ZFAND3: variants seen among roughly 807,000 people sequenced by gnomAD.
The protein encoded by ZFAND3 is zinc finger AN1-type containing 3, also known as AN1-type zinc finger protein 3.
ZFAND3 carries 10 observed loss-of-function variants against 29.6 expected under a neutral mutation model. The observed-to-expected ratio is 0.34, with a 90% CI of 0.21 to 0.57. The LOEUF is 0.57. Ranked by LOEUF, ZFAND3 falls within the 20% of genes least tolerant of loss-of-function variation. ZFAND3 has a pLI of 0.86. For synonymous variants in ZFAND3, 128 were observed against 112.6 expected (o/e 1.14, Z -0.87); for missense variants, 230 against 304.5 (o/e 0.76, Z 1.82).
rs1431478344 is a variant in ZFAND3 at position 37,881,376 on chromosome 6, G to A, written c.72-48583G>A. On this transcript the variant is annotated intron_variant, in intron 1 of 5. Transcript: ENST00000287218. Reference sequence around the variant, plus strand: ...GTTGGGATTACAGGCGTGAGCCACTGTGCCCAGCCTATGATAGTCTTTAAA... The same window carrying A: ...GTTGGGATTACAGGCGTGAGCCACTATGCCCAGCCTATGATAGTCTTTAAA... Among the ~76,000 whole-genome samples the A allele has an allele frequency of 3.3e-5, 5 of 152,320 alleles. No homozygotes were observed. The East Asian group carries it at 5.8e-4, about 18-fold the overall frequency.
At chr6:37,866,411 T>C (rs1764591710) in intron 1 of ZFAND3, among the ~76,000 whole-genome samples, 1 of 152,200 alleles carries the variant, frequency 6.6e-6, no homozygotes, top group South Asian at 2.1e-4. Context: ...ATTATCTTGA[T>C]AACCCCCACT....
At chr6:37,973,653 C>T (rs1281450224) in intron 2 of ZFAND3, among the ~76,000 whole-genome samples, 1 of 152,202 alleles carries the variant, frequency 6.6e-6, no homozygotes, top group Non-Finnish European at 1.5e-5. Context: ...AGCTCTGAAG[C>T]ATTACACTGA....
At chr6:37,843,932 T>G (rs1012945628) in intron 1 of ZFAND3, among the ~76,000 whole-genome samples, 6 of 152,236 alleles carry the variant, frequency 3.9e-5, no homozygotes, top group South Asian at 2.1e-4. Context: ...TTTCTTTTTT[T>G]GGGGGGACAG....
At chr6:37,825,404 A>G (rs970893707) in intron 1 of ZFAND3, among the ~76,000 whole-genome samples, 2 of 152,254 alleles carry the variant, frequency 1.3e-5, no homozygotes, top group African/African-American at 4.8e-5. Context: ...AACATGATTT[A>G]AATTAAGTAT....
intron 1 of ZFAND3, among the ~76,000 whole-genome samples, chr6:37,909,947 A>G (rs934626575): frequency 3.9e-5 from 6 of 152,232 alleles, no homozygotes; most frequent in Non-Finnish European, 8.8e-5. Context: ...AATGTGTTAA[A>G]GCATGGAATC....
intron 2 of ZFAND3, among the ~76,000 whole-genome samples, chr6:37,992,030 T>G (rs1762767269): frequency 6.6e-6 from 1 of 152,200 alleles, no homozygotes; most frequent in African/African-American, 2.4e-5. Context: ...ACAATGTGAT[T>G]TGCATTTTTT....
intron 1 of ZFAND3, among the ~76,000 whole-genome samples, chr6:37,892,260 CT>C (rs1164680774): frequency 1.3e-5 from 2 of 152,254 alleles, no homozygotes; most frequent in East Asian, 3.9e-4. Flanking sequence ...TCAGAAAATA[CT>C]TTCAGATGAA....
chr6:37,835,190 A>T (rs1763943906), intron 1 of ZFAND3, among the ~76,000 whole-genome samples: 1 of 152,112 alleles, frequency 6.6e-6, no homozygotes, highest in East Asian at 1.9e-4. Context: ...ATAGAGTCTC[A>T]CCACTCTCTC....
chr6:38,032,023 G>A (rs1763571409), intron 2 of ZFAND3, among the ~76,000 whole-genome samples: 1 of 151,946 alleles, frequency 6.6e-6, no homozygotes, highest in African/African-American at 2.4e-5. Flanking sequence ...GTATAGATGA[G>A]GTCTGGGTCA....
chr6:37,928,988 G>A (rs144184954), intron 1 of ZFAND3, among the ~76,000 whole-genome samples: 4 of 152,306 alleles, frequency 2.6e-5, no homozygotes, highest in Non-Finnish European at 5.9e-5. Flanking sequence ...GCCCACCTAT[G>A]TAATGGGGAT....
At chr6:37,939,591 T>G (rs1761776337) in intron 2 of ZFAND3, among the ~76,000 whole-genome samples, 1 of 152,206 alleles carries the variant, frequency 6.6e-6, no homozygotes, top group African/African-American at 2.4e-5. Flanking sequence ...ATGTAACTAC[T>G]TTTAAAACAG....
chr6:38,124,607 T>C (rs1347264790), intron 5 of ZFAND3, among the ~76,000 whole-genome samples: 2 of 152,178 alleles, frequency 1.3e-5, no homozygotes, highest in Non-Finnish European at 2.9e-5. Flanking sequence ...CCCGGGCCGC[T>C]CCGAGTGTGG....
At chr6:38,144,484 G>A (rs980978291) in intron 5 of ZFAND3, among the ~76,000 whole-genome samples, 4 of 152,054 alleles carry the variant, frequency 2.6e-5, no homozygotes, top group Admixed American at 2.6e-4. Context: ...TACCTGCCTG[G>A]GCCCCATCAC....
At chr6:37,917,469 C>G (rs1355919904) in intron 1 of ZFAND3, among the ~76,000 whole-genome samples, 1 of 152,104 alleles carries the variant, frequency 6.6e-6, no homozygotes, top group East Asian at 1.9e-4. Flanking sequence ...TTTATGATTA[C>G]AAAGGCAATG....
intron 1 of ZFAND3, among the ~76,000 whole-genome samples, chr6:37,895,504 C>A (rs1765186647): frequency 3.5e-5 from 3 of 85,348 alleles, no homozygotes; most frequent in Admixed American, 1.3e-4. Flanking sequence ...CTAGACTTAA[C>A]TTTTTGAATT....
intron 2 of ZFAND3, among the ~76,000 whole-genome samples, chr6:38,038,700 C>T (rs1267672503): frequency 1.3e-5 from 2 of 152,020 alleles, no homozygotes; most frequent in African/African-American, 4.8e-5. Flanking sequence ...TCAGAATTGT[C>T]ACCTCTACCT....
chr6:38,144,205 A>T (rs1486119633), intron 5 of ZFAND3, among the ~76,000 whole-genome samples: 2 of 44,344 alleles, frequency 4.5e-5, no homozygotes, highest in South Asian at 4.9e-4. Flanking sequence ...ATATATATAT[A>T]TATATAATAT....
chr6:38,062,783 A>G (rs1233910756), intron 3 of ZFAND3: 1 of 152,182 alleles, frequency 6.6e-6, no homozygotes, highest in East Asian at 1.9e-4. Flanking sequence ...TATAGTTGAT[A>G]GTATTTGTTG....
chr6:38,055,729 T>G (rs891198885), intron 2 of ZFAND3, among the ~76,000 whole-genome samples: 3 of 152,224 alleles, frequency 2.0e-5, no homozygotes, highest in Non-Finnish European at 4.4e-5. Flanking sequence ...ACTTACTGAT[T>G]ATGAAATTAG....
Sources: gnomAD v4.1 joint callset for allele counts (sites outside exome capture counted in the v4.1 genomes callset) on GRCh38, gnomAD v4.1.1 for gene constraint, MANE v1.5 for transcripts, NCBI Gene and HGNC (gene_info 2026-07-23, HGNC 2026-07-21) for gene names.